LRRC8C: variants seen among roughly 807,000 people sequenced by gnomAD.
LRRC8C encodes volume-regulated anion channel subunit LRRC8C.
LRRC8C carries 20 observed loss-of-function variants against 55.3 expected under a neutral mutation model. The ratio of observed to expected loss-of-function variants is 0.36; its 90% CI spans 0.25 to 0.53. LRRC8C has a LOEUF of 0.53. Ranked by LOEUF, LRRC8C falls within the 20% of genes least tolerant of loss-of-function variation. The pLI is 0.92. For synonymous variants in LRRC8C, 376 were observed against 360.7 expected (o/e 1.04, Z -0.48); for missense variants, 659 against 951.4 (o/e 0.69, Z 4.04).
At chr1:89,666,696 T>G (rs1657274848) in intron 1 of LRRC8C, among the ~76,000 whole-genome samples, 1 of 152,222 alleles carries the variant, frequency 6.6e-6, no homozygotes, top group Non-Finnish European at 1.5e-5. Flanking sequence ...GTTAGTCACA[T>G]AAACATTTCT....
chr1:89,698,995 AAG>A (rs920228357), intron 2 of LRRC8C, among the ~76,000 whole-genome samples: 1 of 152,088 alleles, frequency 6.6e-6, no homozygotes, highest in South Asian at 2.1e-4. Context: ...GAAATTAAAA[AAG>A]AGAGAGAGAG....
intron 1 of LRRC8C, among the ~76,000 whole-genome samples, chr1:89,663,665 A>G (rs1657178964): frequency 6.6e-6 from 1 of 152,144 alleles, no homozygotes; most frequent in African/African-American, 2.4e-5. Context: ...GCTGGGTCAA[A>G]TGGTGTTTCC....
rs1658769819 is a variant in LRRC8C, at chr1:89,714,920, G to A, written c.2350G>A (p.Val784Ile). ...CRALKRAGLVVEDALFETLPS... is the reference protein window; with the variant it reads ...CRALKRAGLVIEDALFETLPS... Reference sequence around the variant, plus strand: ...GGCTCTGAAGCGAGCTGGTTTAGTTGTAGAAGATGCTCTGTTTGAAACTCT... The same window carrying A: ...GGCTCTGAAGCGAGCTGGTTTAGTTATAGAAGATGCTCTGTTTGAAACTCT... Residue 784 changes from valine to isoleucine, a missense_variant, in exon 3 of 3, where the codon GTA becomes ATA. Transcript: ENST00000370454. This position sits in a 1 kb window ranked among gnomAD's most constrained non-coding sequence, Gnocchi z 4.6. The A allele has an allele frequency of 6.2e-7, 1 of 1,611,686 alleles. No homozygotes were observed. Among genetic ancestry groups the A allele is most frequent in the South Asian group, 1.1e-5 (1 of 90,312 alleles).
At chr1:89,621,296 T>TAAAAAAAA in the LRRC8C span, among the ~76,000 whole-genome samples, 8 of 123,830 alleles carry the variant, frequency 6.5e-5, no homozygotes, top group African/African-American at 2.2e-4. Context: ...CCGTCTCTAC[T>TAAAAAAAA]AAAAAAAAAA....
chr1:89,637,797 A>G (rs1656333233), intron 1 of LRRC8C, among the ~76,000 whole-genome samples: 1 of 152,210 alleles, frequency 6.6e-6, no homozygotes, highest in Admixed American at 6.5e-5. Context: ...GCTCTTTTCC[A>G]ATAGCAGGCA....
intron 1 of LRRC8C, among the ~76,000 whole-genome samples, chr1:89,649,300 ATAG>A: frequency 6.6e-6 from 1 of 152,320 alleles, no homozygotes; most frequent in East Asian, 1.9e-4. Context: ...TAATTAATTC[ATAG>A]TTGTTTGCAA....
At chr1:89,634,978 G>C (rs1471893175) in intron 1 of LRRC8C, among the ~76,000 whole-genome samples, 1 of 152,146 alleles carries the variant, frequency 6.6e-6, no homozygotes, top group African/African-American at 2.4e-5. Flanking sequence ...TTGTATCAGA[G>C]ATACCAAGTA....
At chr1:89,667,745 T>G (rs1046362304) in intron 1 of LRRC8C, among the ~76,000 whole-genome samples, 1 of 152,188 alleles carries the variant, frequency 6.6e-6, no homozygotes, top group Non-Finnish European at 1.5e-5. Context: ...TGTTTTGATA[T>G]GTCTTAACAT....
chr1:89,667,222 G>T (rs1657292170), intron 1 of LRRC8C, among the ~76,000 whole-genome samples: 1 of 151,936 alleles, frequency 6.6e-6, no homozygotes, highest in African/African-American at 2.4e-5. Context: ...TAACCCTAAT[G>T]ACTCCCAAAC....
At chr1:89,672,074 A>G (rs1214629153) in intron 1 of LRRC8C, among the ~76,000 whole-genome samples, 4 of 152,240 alleles carry the variant, frequency 2.6e-5, no homozygotes, top group African/African-American at 4.8e-5. Flanking sequence ...ATTTATGAGT[A>G]ATGGATAGCA....
intron 1 of LRRC8C, among the ~76,000 whole-genome samples, chr1:89,654,855 TGCTA>T (rs1340750946): frequency 6.7e-6 from 1 of 148,876 alleles, no homozygotes; most frequent in Non-Finnish European, 1.5e-5. Flanking sequence ...ATTCATTGTG[TGCTA>T]GCACTTTAGT....
chr1:89,657,739 C>CAAA (rs138148934), intron 1 of LRRC8C, among the ~76,000 whole-genome samples: 1 of 98,870 alleles, frequency 1.0e-5, no homozygotes, highest in African/African-American at 3.4e-5. Context: ...GACTCTGTAT[C>CAAA]AAAAAAAAAA....
chr1:89,715,022 C>A lies in LRRC8C; in HGVS notation c.*40C>A. The A allele has an allele frequency of 7.1e-7, 1 of 1,411,066 alleles. No homozygotes were observed. The highest frequency in any genetic ancestry group is 9.6e-7 in the Non-Finnish European group (1 of 1,039,614). 87.4% of individuals were successfully genotyped at this position (1,411,066 alleles called of 1,614,324 possible). ...AAGTTTGACTGAAACACGCTTCTAC[C>A]AAATACAGTATAAATAATTAGGTAG... On this transcript the variant is annotated 3_prime_UTR_variant, in exon 3 of 3. Transcript: ENST00000370454.
At chr1:89,703,216 G>A (rs544923444) in intron 2 of LRRC8C, among the ~76,000 whole-genome samples, 4 of 152,232 alleles carry the variant, frequency 2.6e-5, no homozygotes, top group Admixed American at 1.3e-4. Context: ...GATAGATTGC[G>A]CACTAAATAA....
intron 1 of LRRC8C, among the ~76,000 whole-genome samples, chr1:89,647,226 C>T (rs1464422056): frequency 2.6e-5 from 4 of 152,224 alleles, no homozygotes; most frequent in Middle Eastern, 3.4e-3. Context: ...AGCAAATCTT[C>T]GGTGCTACCT....
intron 2 of LRRC8C, among the ~76,000 whole-genome samples, chr1:89,706,864 T>TTTTATC (rs988290983): frequency 6.6e-6 from 1 of 152,186 alleles, no homozygotes; most frequent in African/African-American, 2.4e-5. Flanking sequence ...CAAGATCCTC[T>TTTTATC]TTTATCTTTT....
rs532289526 is a variant in LRRC8C, at chr1:89,699,138, A to G, written c.138+12527A>G. Among the ~76,000 whole-genome samples the G allele has an allele frequency of 3.9e-5, 6 of 152,338 alleles. No homozygotes were observed. In the South Asian group the frequency reaches 1.0e-3, roughly 26 times the overall value. On this transcript the variant is annotated intron_variant, in intron 2 of 2. Transcript: ENST00000370454. ...AGTGAAAGAAGCTAATCTTAAAAGG[A>G]TACATGCTGTATGATTCCAACTGTA... is the stretch of plus-strand genomic sequence containing the variant.
At chr1:89,704,289 A>C (rs1175091624) in intron 2 of LRRC8C, among the ~76,000 whole-genome samples, 1 of 152,144 alleles carries the variant, frequency 6.6e-6, no homozygotes, top group Non-Finnish European at 1.5e-5. Flanking sequence ...AAAATCAGAT[A>C]GTATGTAACC....
intron 1 of LRRC8C, among the ~76,000 whole-genome samples, chr1:89,672,814 A>ATTTATTTTTG (rs1557656470): frequency 2.2e-4 from 33 of 151,712 alleles, no homozygotes; most frequent in African/African-American, 7.8e-4. Flanking sequence ...ATTTATTTTT[A>ATTTATTTTTG]TAGAAACAAT....
Sources: allele counts gnomAD v4.1 joint callset (sites outside exome capture counted in the v4.1 genomes callset), GRCh38; gene constraint gnomAD v4.1.1; non-coding constraint Gnocchi (gnomAD v3.1); transcripts MANE v1.5; gene names NCBI Gene and HGNC (gene_info 2026-07-23, HGNC 2026-07-21).